Variants in ERICH5 observed in about 807,000 individuals in gnomAD.
The protein encoded by ERICH5 is glutamate rich 5.
A neutral mutation model predicts 28.0 loss-of-function variants in ERICH5; 24 were observed. The ratio of observed to expected loss-of-function variants is 0.86; its 90% confidence interval spans 0.62 to 1.21. ERICH5 has a LOEUF of 1.21. Among genes scored for constraint, ERICH5 ranks in the 50% most tolerant of loss-of-function variants. The pLI is 0.00. For missense variants in ERICH5, 421 were observed against 441.2 expected (o/e 0.95, Z 0.41); for synonymous variants, 163 against 157.6 (o/e 1.03, Z -0.25).
chr8:98,085,770 C>A (rs982211982), intron 1 of ERICH5, among the ~76,000 whole-genome samples: 14 of 152,228 alleles, frequency 9.2e-5, no homozygotes, highest in African/African-American at 3.4e-4. Context: ...CCTCCAGCCG[C>A]ACTATCCTTT....
chr8:98,079,997 A>G (rs2447510), intron 1 of ERICH5, among the ~76,000 whole-genome samples: 151,355 of 152,344 alleles, frequency 0.99, 75,226 homozygotes, highest in Middle Eastern at 1. Context: ...TTTAGCTATA[A>G]TTTATTGACA....
Position 98,064,627 on chromosome 8 carries a change from C to G in ERICH5, c.-43C>G. 1 of 1,464,540 alleles carries G rather than the reference C, an allele frequency of 6.8e-7. No individual in the cohort carries two copies. The highest frequency in any genetic ancestry group is 9.1e-7 in the Non-Finnish European group (1 of 1,096,752). 90.7% of individuals were successfully genotyped at this position (1,464,540 alleles called of 1,614,324 possible). A position where few individuals can be genotyped will look rare whatever the true frequency, so the allele number is the denominator to read the frequency against. Reference sequence around the variant, plus strand: ...TTGCCTTCGGTTCCCGGTTCCGGGCCGACACCCGCGCAGGGCTGAGACAGG... The same window carrying G: ...TTGCCTTCGGTTCCCGGTTCCGGGCGGACACCCGCGCAGGGCTGAGACAGG... On this transcript the variant is annotated 5_prime_UTR_variant, in exon 1 of 3. Transcript: ENST00000318528.
chr8:98,087,185 T>C (rs887108526), intron 1 of ERICH5, among the ~76,000 whole-genome samples: 4 of 151,984 alleles, frequency 2.6e-5, no homozygotes, highest in Admixed American at 2.6e-4. Flanking sequence ...CACATCTCTA[T>C]TTAAAAAATA....
intron 1 of ERICH5, among the ~76,000 whole-genome samples, chr8:98,075,551 TG>T: frequency 6.6e-6 from 1 of 152,244 alleles, no homozygotes; most frequent in African/African-American, 2.4e-5. Flanking sequence ...TGCATGTAGG[TG>T]CCTAACCTGA....
intron 2 of ERICH5, 123 bp downstream of exon 2, chr8:98,090,152 T>A (rs1815358307): frequency 3.0e-6 from 2 of 677,588 alleles, no homozygotes; most frequent in Admixed American, 3.2e-5. Context: ...TGAAGTTCGT[T>A]TGACCAAACC....
At chr8:98,066,570 CATTTTTT>C (rs1193957532) in intron 1 of ERICH5, among the ~76,000 whole-genome samples, 2 of 152,102 alleles carry the variant, frequency 1.3e-5, no homozygotes, top group African/African-American at 2.4e-5. Context: ...TACACTCTTC[CATTTTTT>C]ATTCTTGCTT....
chr8:98,089,676 C>A lies in ERICH5; in HGVS notation c.659C>A (p.Thr220Lys). 1 of 1,614,126 alleles carries A rather than the reference C, an allele frequency of 6.2e-7. No individual in the cohort carries two copies. Among genetic ancestry groups the A allele is most frequent in the Non-Finnish European group, 8.5e-7 (1 of 1,180,034 alleles). ...GKDEQAPLLETISKENESPEI... is the reference protein window; with the variant it reads ...GKDEQAPLLEKISKENESPEI... ...GATGAGCAGGCCCCGCTTCTAGAAA[C>A]AATTTCCAAAGAGAATGAATCTCCA... The change falls in exon 2 of 3, where the codon ACA (threonine) becomes AAA (lysine). Residue 220 changes from threonine to lysine, a missense_variant. Transcript: ENST00000318528.
intron 1 of ERICH5, among the ~76,000 whole-genome samples, chr8:98,065,818 A>C (rs1235922510): frequency 6.6e-6 from 1 of 152,200 alleles, no homozygotes; most frequent in Non-Finnish European, 1.5e-5. Context: ...ATTTTCTCTT[A>C]GCACCTTGTG....
rs558675352 is a variant in ERICH5, at chr8:98,081,060, T to G, written c.59-8016T>G. ...ATTGGAATGAATGAAATCACCTTAC[T>G]TTTCTGTTTGTACATCATAATTTCT... is the stretch of plus-strand genomic sequence containing the variant. On this transcript the variant is annotated intron_variant, in intron 1 of 2. Coordinates refer to ENST00000318528, the MANE Select transcript of ERICH5 (RefSeq NM_173549.3). Among the ~76,000 whole-genome samples the G allele has an allele frequency of 2.0e-5, 3 of 152,076 alleles. No individual in the cohort carries two copies. The East Asian group carries it at 5.8e-4, about 29-fold the overall frequency.
chr8:98,083,212 C>A (rs749653459), intron 1 of ERICH5, among the ~76,000 whole-genome samples: 16 of 152,162 alleles, frequency 1.1e-4, no homozygotes, highest in African/African-American at 3.6e-4. Context: ...CAATACTAAT[C>A]ACTGTAATAA....
chr8:98,081,442 C>T (rs955877373), intron 1 of ERICH5, among the ~76,000 whole-genome samples: 21 of 152,098 alleles, frequency 1.4e-4, no homozygotes, highest in Admixed American at 1.1e-3. Flanking sequence ...TGGGCCACTA[C>T]GGGAGGTATA....
chr8:98,076,494 C>T lies in ERICH5; in HGVS notation c.58+11767C>T, dbSNP rs74437317. Among the ~76,000 whole-genome samples, 13 of 151,864 alleles carry T rather than the reference C, an allele frequency of 8.6e-5. No homozygotes were observed. In the South Asian group the frequency reaches 1.2e-3, roughly 15 times the overall value. ...CTTGGGAAAAAATCTCACTCCCCAG[C>T]GTGGAGCTCACTTAAACCAGCTCAG... is the stretch of plus-strand genomic sequence containing the variant. On this transcript the variant is annotated intron_variant, in intron 1 of 2. Coordinates refer to ENST00000318528, the MANE Select transcript of ERICH5 (RefSeq NM_173549.3).
intron 1 of ERICH5, among the ~76,000 whole-genome samples, chr8:98,068,688 A>G (rs1814860296): frequency 6.6e-6 from 1 of 152,298 alleles, no homozygotes; most frequent in South Asian, 2.1e-4. Context: ...CTCTGCTAAC[A>G]TGGATAATCA....
At chr8:98,077,647 C>T (rs187194250) in intron 1 of ERICH5, among the ~76,000 whole-genome samples, 32 of 152,314 alleles carry the variant, frequency 2.1e-4, no homozygotes, top group African/African-American at 2.9e-4. Flanking sequence ...CCTAGGCAGG[C>T]GTCCACATCT....
intron 1 of ERICH5, among the ~76,000 whole-genome samples, chr8:98,078,133 C>A (rs924760259): frequency 3.9e-5 from 6 of 152,168 alleles, no homozygotes; most frequent in Non-Finnish European, 8.8e-5. Context: ...TGATGGAATG[C>A]ACACTTGGGA....
rs538762151 is a variant in ERICH5, at chr8:98,066,225, T to C, written c.58+1498T>C. 3.9e-5 allele frequency among the ~76,000 whole-genome samples: 6 copies of C among 152,288 alleles called. No homozygotes were observed. The South Asian group carries it at 1.2e-3, about 32-fold the overall frequency. ...TTTTATGTTATGAAATTAAGTAGAG[T>C]TTTGCATTCTGTTCTATGATAGATT... On this transcript the variant is annotated intron_variant, in intron 1 of 2. Transcript: ENST00000318528.
chr8:98,091,900 C>CTTTCTTTCTTCCTTTCTTTCTTT lies in ERICH5; in HGVS notation c.1013-1321_1013-1320insTTTCTTTCTTCCTTTCTTTCTTT. Reference sequence around the variant, plus strand: ...TCTTTCTTTCTTTCTTTCTTTCTTTCCTTTCTTTCTTTCTTTCTTCCTTTC... The same window carrying CTTTCTTTCTTCCTTTCTTTCTTT: ...TCTTTCTTTCTTTCTTTCTTTCTTTCTTTCTTTCTTCCTTTCTTTCTTTCTTTCTTTCTTTCTTTCTTCCTTTC... On this transcript the variant is annotated intron_variant, in intron 2 of 2. Transcript: ENST00000318528. Among the ~76,000 whole-genome samples, 62 of 74,708 alleles carry CTTTCTTTCTTCCTTTCTTTCTTT rather than the reference C, an allele frequency of 8.3e-4. 1 individual carries two copies. Among genetic ancestry groups the CTTTCTTTCTTCCTTTCTTTCTTT allele is most frequent in the African/African-American group, 3.4e-3 (60 of 17,842 alleles). The allele number at this position is 74,708 out of a possible 152,430, so 49.0% of individuals were successfully genotyped here.
At chr8:98,072,352 T>C (rs1258095547) in intron 1 of ERICH5, among the ~76,000 whole-genome samples, 1 of 152,124 alleles carries the variant, frequency 6.6e-6, no homozygotes, top group Admixed American at 6.6e-5. Flanking sequence ...GAAGTGTTGG[T>C]GGCCGGGTGC....
intron 1 of ERICH5, among the ~76,000 whole-genome samples, chr8:98,074,664 T>C (rs543915276): frequency 9.2e-5 from 14 of 152,158 alleles, no homozygotes; most frequent in Admixed American, 3.3e-4. Flanking sequence ...CTCCCTGCTA[T>C]AATTTTTAAA....
Sources: allele counts gnomAD v4.1 joint callset (sites outside exome capture counted in the v4.1 genomes callset), GRCh38; gene constraint gnomAD v4.1.1; transcripts MANE v1.5; gene names NCBI Gene and HGNC (gene_info 2026-07-23, HGNC 2026-07-21).